MEGF6: variants seen among roughly 807,000 people sequenced by gnomAD.
MEGF6 encodes the protein multiple EGF like domains 6.
In MEGF6, 184 loss-of-function variants were observed where a neutral mutation model predicts 207.1. The observed-to-expected ratio is 0.89, with a 90% CI of 0.79 to 1.00. The LOEUF (loss-of-function observed/expected upper bound fraction) is 1.00. Among genes scored for constraint, MEGF6 ranks in the 50% least tolerant of loss-of-function variants. The pLI is 0.00. For missense variants in MEGF6, 2,282 were observed against 2,202.9 expected (o/e 1.04, Z -0.72); for synonymous variants, 1,038 against 910.0 (o/e 1.14, Z -2.53).
the MEGF6 span, among the ~76,000 whole-genome samples, chr1:3,622,334 G>A: frequency 3.7e-4 from 57 of 152,234 alleles, no homozygotes; most frequent in Admixed American, 9.2e-4. Flanking sequence ...TACCCCCGCC[G>A]CCATGTAAGA....
chr1:3,579,159 A>G (rs1643730434), intron 4 of MEGF6, among the ~76,000 whole-genome samples: 1 of 152,258 alleles, frequency 6.6e-6, no homozygotes, highest in African/African-American at 2.4e-5. Context: ...AACCCGGGAC[A>G]GAGCAGGAAG....
At position 3,521,218 on chromosome 1, in the gene MEGF6, A is replaced by G. The variant is rs1360086899; in HGVS notation, c.604+2906T>C. On this transcript the variant is annotated intron_variant, in intron 5 of 36. Coordinates refer to ENST00000356575, the MANE Select transcript of MEGF6 (RefSeq NM_001409.4). The stretch of plus-strand genomic sequence containing the variant: ...CTCAACTGGCCCATGGGGGTGGGAG[A>G]GGCCACTCCTGAGGACCGAGGCCTG... 3.3e-5 allele frequency among the ~76,000 whole-genome samples: 5 copies of G among 152,094 alleles called. No homozygotes were observed. The East Asian group carries it at 9.7e-4, about 29-fold the overall frequency.
At chr1:3,577,628 A>T (rs1458034571) in intron 4 of MEGF6, among the ~76,000 whole-genome samples, 1 of 152,184 alleles carries the variant, frequency 6.6e-6, no homozygotes, top group Non-Finnish European at 1.5e-5. Context: ...TGACTGGGGC[A>T]TGGGGCTGCT....
intron 4 of MEGF6, among the ~76,000 whole-genome samples, chr1:3,535,757 T>A (rs1642308931): frequency 1.3e-5 from 2 of 152,216 alleles, no homozygotes; most frequent in Non-Finnish European, 2.9e-5. Context: ...GAGAAATGAC[T>A]TCCCCAGGGT....
chr1:3,557,171 C>G (rs933585392), intron 4 of MEGF6, among the ~76,000 whole-genome samples: 1 of 152,158 alleles, frequency 6.6e-6, no homozygotes, highest in Non-Finnish European at 1.5e-5. Context: ...TCCCTGGGTC[C>G]CCAGAAGGGA....
In MEGF6 at chr1:3,501,868, C is replaced by T. The variant is rs767049341; in HGVS notation, c.2242G>A (p.Gly748Arg). 3 of 1,608,700 alleles carry T rather than the reference C, an allele frequency of 1.9e-6. No individual in the cohort carries two copies. The highest frequency in any genetic ancestry group is 2.5e-6 in the Non-Finnish European group (3 of 1,178,630). ...CCCGTGACCCCGTGGCAGGGGGCCC[C>T]CCCACAGGAGCAGGAGCTCGAGCAG... ...VNCSSSCSCG[G>R]APCHGVTGQC... Residue 748 changes from glycine to arginine, a missense_variant, in exon 18 of 37, where the codon GGG becomes AGG. Gly to Arg is a moderately radical substitution (Grantham distance 125). Coordinates refer to ENST00000356575, the MANE Select transcript of MEGF6 (RefSeq NM_001409.4).
At chr1:3,511,023 C>A (rs894818284) in intron 9 of MEGF6, 121 bp from the exon 10 acceptor site, 1 of 1,400,116 alleles carries the variant, frequency 7.1e-7, no homozygotes, top group Non-Finnish European at 9.6e-7. Flanking sequence ...CTGCAGCTGC[C>A]CACAGCCTCA....
In MEGF6 at chr1:3,492,685, C is replaced by A. The variant is rs752985278; in HGVS notation, c.4470G>T (p.Gly1490=). The A allele has an allele frequency of 6.2e-7, 1 of 1,612,534 alleles. No homozygotes were observed. The highest frequency in any genetic ancestry group is 1.3e-5 in the African/African-American group (1 of 74,898). ...GGGADCDPVS[G]QCHCVDGYMG... Reference sequence around the variant, plus strand: ...TGTAGCCATCCACACAGTGACACTGCCCACTGACAGGGTCGCAGTCAGCCC... The same window carrying A: ...TGTAGCCATCCACACAGTGACACTGACCACTGACAGGGTCGCAGTCAGCCC... Residue 1490 remains glycine, a synonymous_variant, in exon 35 of 37, where the codon GGG becomes GGT. Coordinates refer to ENST00000356575, the MANE Select transcript of MEGF6 (RefSeq NM_001409.4).
chr1:3,584,293 G>A (rs115984426), intron 3 of MEGF6, among the ~76,000 whole-genome samples: 2,454 of 152,356 alleles, frequency 0.016, 44 homozygotes, highest in Non-Finnish European at 0.021. Flanking sequence ...GTGGAAAGGG[G>A]ACTGGATTCC....
chr1:3,569,372 C>T (rs1643435963), intron 4 of MEGF6, among the ~76,000 whole-genome samples: 2 of 152,388 alleles, frequency 1.3e-5, no homozygotes, highest in East Asian at 1.9e-4. Flanking sequence ...ATCACTGACT[C>T]CAAGCAACTC....
chr1:3,539,463 G>C (rs1288373013), intron 4 of MEGF6, among the ~76,000 whole-genome samples: 1 of 152,120 alleles, frequency 6.6e-6, no homozygotes, highest in Non-Finnish European at 1.5e-5. Flanking sequence ...CAGCACCTCG[G>C]CCCTGCCAGG....
intron 5 of MEGF6, among the ~76,000 whole-genome samples, chr1:3,517,432 A>C (rs1463741801): frequency 6.6e-6 from 1 of 152,178 alleles, no homozygotes; most frequent in Non-Finnish European, 1.5e-5. Context: ...TCCAGTCCAC[A>C]CAGTTCTAAC....
upstream of MEGF6, among the ~76,000 whole-genome samples, chr1:3,612,486 C>G (rs947571275): frequency 6.6e-5 from 10 of 152,160 alleles, no homozygotes; most frequent in Non-Finnish European, 1.5e-4. Context: ...TCAGAGCTAC[C>G]AGACACTCAG....
chr1:3,619,151 C>A, the MEGF6 span, among the ~76,000 whole-genome samples: 10 of 152,260 alleles, frequency 6.6e-5, no homozygotes, highest in Admixed American at 5.9e-4. Context: ...CGTGAAGCTG[C>A]GCCCTCTAAT....
chr1:3,549,637 C>T (rs1047937831), intron 4 of MEGF6, among the ~76,000 whole-genome samples: 3 of 152,164 alleles, frequency 2.0e-5, no homozygotes, highest in African/African-American at 4.8e-5. Flanking sequence ...ATATCCAGGG[C>T]GACTTGGCCC....
rs137896007 is a variant in MEGF6 at position 3,607,419 on chromosome 1, G to C, written c.131+3719C>G. ...AAGCAGCTCCTGGATGGCTCTTGCAGTGACCCCCAACAAAATTGATTGATC... is the reference window on the plus strand; with the variant it reads ...AAGCAGCTCCTGGATGGCTCTTGCACTGACCCCCAACAAAATTGATTGATC... On this transcript the variant is annotated intron_variant, in intron 1 of 36. Transcript: ENST00000356575. Among the ~76,000 whole-genome samples the C allele has an allele frequency of 2.2e-4, 34 of 152,256 alleles. 2 individuals are homozygous for C. The East Asian group carries it at 6.4e-3, about 29-fold the overall frequency.
At chr1:3,611,084 A>T (rs1397965435) in intron 1 of MEGF6, 54 bp downstream of exon 1, 4 of 1,417,810 alleles carry the variant, frequency 2.8e-6, no homozygotes, top group Non-Finnish European at 3.7e-6. Context: ...GGGCCTCCAG[A>T]GGCCCCGGGG....
rs1016392574 is a variant in MEGF6, at chr1:3,538,797, C to T, written c.482-14551G>A. On this transcript the variant is annotated intron_variant, in intron 4 of 36. Coordinates refer to ENST00000356575, the MANE Select transcript of MEGF6 (RefSeq NM_001409.4). The stretch of plus-strand genomic sequence containing the variant: ...CCAGGCTCTTTCCCACCCAGCTGTG[C>T]GAGGCCCGGGGGCACCTGAGCCCTC... Among the ~76,000 whole-genome samples, 43 of 151,832 alleles carry T rather than the reference C, an allele frequency of 2.8e-4. 1 individual carries two copies. Among genetic ancestry groups the T allele is most frequent in the Non-Finnish European group, 3.8e-4 (26 of 67,940 alleles).
chr1:3,577,629 T>C (rs539062987), intron 4 of MEGF6, among the ~76,000 whole-genome samples: 4 of 152,308 alleles, frequency 2.6e-5, no homozygotes, highest in East Asian at 3.9e-4. Context: ...GACTGGGGCA[T>C]GGGGCTGCTG....
Sources: allele counts gnomAD v4.1 joint callset (sites outside exome capture counted in the v4.1 genomes callset), GRCh38; gene constraint gnomAD v4.1.1; transcripts MANE v1.5; gene names NCBI Gene and HGNC (gene_info 2026-07-23, HGNC 2026-07-21).